Variants in ENOX1 observed in about 807,000 individuals in gnomAD.
ENOX1 encodes the protein candidate growth-related and time keeping constitutive hydroquinone (NADH) oxidase.
Under a neutral mutation model 82.5 loss-of-function variants are expected in ENOX1, and 42 were observed. That is an observed-to-expected ratio of 0.51 (90% CI 0.40 to 0.66). The LOEUF (loss-of-function observed/expected upper bound fraction) is 0.66. ENOX1 is among the 30% of genes least tolerant of loss of function. ENOX1 has a pLI of 0.00. For missense variants in ENOX1, 608 were observed against 811.6 expected (o/e 0.75, Z 3.05); for synonymous variants, 271 against 282.2 (o/e 0.96, Z 0.40).
intron 2 of ENOX1, among the ~76,000 whole-genome samples, chr13:43,658,223 C>A (rs1473512709): frequency 6.6e-6 from 1 of 152,186 alleles, no homozygotes; most frequent in African/African-American, 2.4e-5. Context: ...TAATATTCTA[C>A]AAATGAATGT....
At chr13:43,572,120 A>G (rs990581323) in intron 2 of ENOX1, among the ~76,000 whole-genome samples, 2 of 152,238 alleles carry the variant, frequency 1.3e-5, no homozygotes, top group African/African-American at 4.8e-5. Flanking sequence ...CATATACATT[A>G]TAATACATAG....
Position 43,256,912 on chromosome 13 carries a change from C to T in ENOX1, c.1611+8486G>A, listed in dbSNP as rs185125998. 1.8e-4 allele frequency among the ~76,000 whole-genome samples: 28 copies of T among 152,218 alleles called. No individual in the cohort carries two copies. The East Asian group carries it at 5.2e-3, about 28-fold the overall frequency. On this transcript the variant is annotated intron_variant, in intron 14 of 16. Transcript: ENST00000690772. ...AATAAAGAATCAACCTAGTGTCCATCGTCAGATGAATGGATAAAGAAACTG... is the reference window on the plus strand; with the variant it reads ...AATAAAGAATCAACCTAGTGTCCATTGTCAGATGAATGGATAAAGAAACTG...
intron 2 of ENOX1, among the ~76,000 whole-genome samples, chr13:43,537,534 T>A (rs924309289): frequency 6.6e-6 from 1 of 152,190 alleles, no homozygotes; most frequent in African/African-American, 2.4e-5. Context: ...GCTTGGGAAA[T>A]ACAGGAAACT....
intron 2 of ENOX1, among the ~76,000 whole-genome samples, chr13:43,618,895 T>C (rs758607000): frequency 5.3e-5 from 8 of 152,144 alleles, no homozygotes; most frequent in Non-Finnish European, 1.0e-4. Context: ...CATTTGTTCG[T>C]GTCATCTATT....
At position 43,774,924 on chromosome 13, in the gene ENOX1, C is replaced by G. The variant is rs58540348; in HGVS notation, c.-285+11728G>C. ...GAGTGCAATGGCGTGATCTCGGCTC[C>G]CTGCAACCTCTGCTCCACAGGTTCA... On this transcript the variant is annotated intron_variant, in intron 1 of 16. Coordinates refer to ENST00000690772, the MANE Select transcript of ENOX1 (RefSeq NM_001347969.2). Among the ~76,000 whole-genome samples, 46 of 152,118 alleles carry G rather than the reference C, an allele frequency of 3.0e-4. No homozygotes were observed. The East Asian group carries it at 8.9e-3, about 29-fold the overall frequency.
intron 1 of ENOX1, among the ~76,000 whole-genome samples, chr13:43,721,967 C>A (rs1216654827): frequency 6.6e-6 from 1 of 152,200 alleles, no homozygotes; most frequent in Admixed American, 6.5e-5. Context: ...GCTCTCGACT[C>A]TGTTAAACAG....
intron 11 of ENOX1, among the ~76,000 whole-genome samples, chr13:43,303,242 G>A (rs1035497540): frequency 6.6e-6 from 1 of 152,240 alleles, no homozygotes; most frequent in African/African-American, 2.4e-5. Context: ...CACAATATCT[G>A]TGTGCCTTCA....
chr13:43,410,229 T>C (rs1240247412), intron 5 of ENOX1, among the ~76,000 whole-genome samples: 1 of 152,162 alleles, frequency 6.6e-6, no homozygotes, highest in Non-Finnish European at 1.5e-5. Context: ...CGAGAGTAAG[T>C]AACTTCTGCT....
chr13:43,564,230 T>C lies in ENOX1; in HGVS notation c.-218-80078A>G, dbSNP rs541043810. Among the ~76,000 whole-genome samples the C allele has an allele frequency of 1.8e-3, 268 of 152,222 alleles. 1 individual carries two copies. Among genetic ancestry groups the C allele is most frequent in the Non-Finnish European group, 2.9e-3 (199 of 67,978 alleles). ...AAAATGAAAAGATATTCCATGTTTA[T>C]GGATTAGAAGAATTAATATTGTTAA... is the stretch of plus-strand genomic sequence containing the variant. On this transcript the variant is annotated intron_variant, in intron 2 of 16. Coordinates refer to ENST00000690772, the MANE Select transcript of ENOX1 (RefSeq NM_001347969.2).
intron 2 of ENOX1, among the ~76,000 whole-genome samples, chr13:43,575,212 C>A (rs745771981): frequency 2.0e-5 from 3 of 152,164 alleles, no homozygotes; most frequent in Non-Finnish European, 4.4e-5. Flanking sequence ...GGGGACTGCA[C>A]AGGACTTTCT....
In ENOX1 at chr13:43,351,432, A is replaced by T. The variant is rs1427137174; in HGVS notation, c.823+4487T>A. On this transcript the variant is annotated intron_variant, in intron 8 of 16. Transcript: ENST00000690772. ...ATTTATTTTATTTATTTATTTATTT[A>T]TTTTTTATTATACTTTAAGTTTTAG... is the stretch of plus-strand genomic sequence containing the variant. 3.8e-5 allele frequency among the ~76,000 whole-genome samples: 5 copies of T among 130,928 alleles called. No individual in the cohort carries two copies. In the East Asian group the frequency reaches 7.0e-4, roughly 18 times the overall value. The allele number at this position is 130,928 out of a possible 152,430, so 85.9% of individuals were successfully genotyped here. A position where few individuals can be genotyped will look rare whatever the true frequency, so the allele number is the denominator to read the frequency against.
intron 1 of ENOX1, among the ~76,000 whole-genome samples, chr13:43,703,427 G>A (rs1260698100): frequency 2.0e-5 from 3 of 152,062 alleles, no homozygotes; most frequent in Non-Finnish European, 2.9e-5. Flanking sequence ...CTATTCCCCT[G>A]AGTGAAGACT....
intron 15 of ENOX1, among the ~76,000 whole-genome samples, chr13:43,235,022 A>C (rs1276715343): frequency 6.6e-6 from 1 of 152,230 alleles, no homozygotes; most frequent in African/African-American, 2.4e-5. Context: ...ACTGCAGATC[A>C]TTAATTGCTT....
chr13:43,681,970 G>A (rs2085810217), intron 1 of ENOX1, among the ~76,000 whole-genome samples: 1 of 151,912 alleles, frequency 6.6e-6, no homozygotes, highest in South Asian at 2.1e-4. Flanking sequence ...ACTATGCTTT[G>A]CCCAGATCAG....
At chr13:43,704,970 A>G (rs967111439) in intron 1 of ENOX1, among the ~76,000 whole-genome samples, 3 of 152,284 alleles carry the variant, frequency 2.0e-5, no homozygotes, top group East Asian at 1.9e-4. Context: ...AGGCAAAACA[A>G]AAACAGTTCT....
intron 2 of ENOX1, among the ~76,000 whole-genome samples, chr13:43,593,357 G>A (rs944984052): frequency 1.3e-5 from 2 of 152,238 alleles, no homozygotes; most frequent in East Asian, 1.9e-4. Flanking sequence ...GAGGGTGAGT[G>A]GGGAGAGAGT....
intron 15 of ENOX1, among the ~76,000 whole-genome samples, chr13:43,225,709 A>G (rs2041996869): frequency 6.6e-6 from 1 of 152,152 alleles, no homozygotes; most frequent in South Asian, 2.1e-4. Context: ...GTTTTTAAAG[A>G]AAAGTTCCCA....
intron 3 of ENOX1, among the ~76,000 whole-genome samples, chr13:43,468,227 G>T (rs2153644195): frequency 6.6e-6 from 1 of 151,648 alleles, no homozygotes; most frequent in Admixed American, 6.6e-5. Context: ...TCTGTCGCCA[G>T]CTGGAGTGCA....
intron 3 of ENOX1, among the ~76,000 whole-genome samples, chr13:43,450,714 A>T (rs576045443): frequency 4.3e-4 from 66 of 152,178 alleles, no homozygotes; most frequent in African/African-American, 1.5e-3. Flanking sequence ...GGATTGCAGG[A>T]GCCTGATAAA....
Sources: gnomAD v4.1 joint callset for allele counts (sites outside exome capture counted in the v4.1 genomes callset) on GRCh38, gnomAD v4.1.1 for gene constraint, MANE v1.5 for transcripts, NCBI Gene and HGNC (gene_info 2026-07-23, HGNC 2026-07-21) for gene names.